Variants in VASP observed in about 807,000 individuals in gnomAD.
VASP encodes vasodilator stimulated phosphoprotein.
In VASP, 27 loss-of-function variants were observed where a neutral mutation model predicts 54.4. The ratio of observed to expected loss-of-function variants is 0.50; its 90% CI spans 0.37 to 0.68. VASP has a LOEUF of 0.68. Ranked by LOEUF, VASP falls within the 30% of genes least tolerant of loss-of-function variation. VASP has a pLI of 0.00. For synonymous variants in VASP, 233 were observed against 209.8 expected, an observed-to-expected ratio of 1.11 and a Z score of -0.96; for missense variants, 488 against 528.3, an observed-to-expected ratio of 0.92 and a Z score of 0.75.
intron 7 of VASP, among the ~76,000 whole-genome samples, chr19:45,523,246 A>C (rs1968885272): frequency 8.9e-6 from 1 of 112,374 alleles, no homozygotes. Context: ...TCTGTCACCC[A>C]GGCTGGAGTG....
intron 1 of VASP, among the ~76,000 whole-genome samples, chr19:45,517,115 CAGAG>C (rs1280889123): frequency 1.3e-5 from 2 of 150,236 alleles, no homozygotes; most frequent in African/African-American, 2.5e-5. Context: ...ACCTGGGTGA[CAGAG>C]AGCAAGACTC....
chr19:45,523,794 C>CAG (rs1269107670), intron 8 of VASP, 47 bp from the exon 9 acceptor site: 1 of 1,613,998 alleles, frequency 6.2e-7, no homozygotes, highest in Non-Finnish European at 8.5e-7. Context: ...AGGAAATGGG[C>CAG]AGAGGTGTGG....
chr19:45,518,696 G>A (rs975409036), intron 3 of VASP, among the ~76,000 whole-genome samples: 19 of 152,286 alleles, frequency 1.2e-4, no homozygotes, highest in African/African-American at 3.4e-4. Context: ...ACAGGATCTC[G>A]CTCTGTTGCC....
At position 45,507,613 on chromosome 19, in the gene VASP, G is replaced by T; in HGVS notation, c.-159G>T. 1 of 886,518 alleles carries T rather than the reference G, an allele frequency of 1.1e-6. No homozygotes were observed. The highest frequency in any genetic ancestry group is 1.6e-6 in the Non-Finnish European group (1 of 615,344). The allele number at this position is 886,518 out of a possible 1,614,324, so 54.9% of individuals were successfully genotyped here. On this transcript the variant is annotated 5_prime_UTR_variant, in exon 1 of 13. Transcript: ENST00000245932. The surrounding 1 kb of genome is among the most constrained non-coding windows in gnomAD (Gnocchi z 4.4). ...AAGCGGCGCCCGGAGACCCGCCCCG[G>T]CCCGGTCCACATTCTCCCCAGGAAG...
Position 45,507,658 on chromosome 19 carries a change from A to G in VASP, c.-114A>G, listed in dbSNP as rs954641837. On this transcript the variant is annotated 5_prime_UTR_variant, in exon 1 of 13. Transcript: ENST00000245932. This position sits in a 1 kb window ranked among gnomAD's most constrained non-coding sequence, Gnocchi z 4.4. ...AGGAAGCCGGACTCTATGGGGCGGG[A>G]CCCTGGGGGAGCCTGAGCCGAGCCC... The G allele has an allele frequency of 1.0e-5, 14 of 1,371,626 alleles. No homozygotes were observed. Among genetic ancestry groups the G allele is most frequent in the Admixed American group, 4.3e-5 (2 of 46,844 alleles). The allele number at this position is 1,371,626 out of a possible 1,614,324, so 85.0% of individuals were successfully genotyped here.
intron 10 of VASP, 42 bp downstream of exon 10, chr19:45,524,184 G>T: frequency 1.2e-6 from 2 of 1,611,046 alleles, no homozygotes; most frequent in Middle Eastern, 2.2e-4. Flanking sequence ...GTAAAGGCGG[G>T]CAGATCGCTT....
chr19:45,521,941 A>G (rs1158687179), intron 4 of VASP, among the ~76,000 whole-genome samples: 1 of 151,478 alleles, frequency 6.6e-6, no homozygotes, highest in Non-Finnish European at 1.5e-5. Flanking sequence ...CTGACAGTTT[A>G]GTGACTGGGA....
chr19:45,512,798 G>A (rs555646037), intron 1 of VASP, among the ~76,000 whole-genome samples: 1 of 150,772 alleles, frequency 6.6e-6, no homozygotes, highest in Non-Finnish European at 1.5e-5. Flanking sequence ...ACGGGGTTTC[G>A]CTATGTTGCC....
rs1968981838 is a variant in VASP at position 45,526,816 on chromosome 19, T to C, written c.*639T>C. ...TGTAACTTTTTGGAACCTCAGTTTT[T>C]TGATTTTTTATTTGGGTAGGTTTTG... On this transcript the variant is annotated 3_prime_UTR_variant, in exon 13 of 13. Transcript: ENST00000245932. 2 of 152,202 alleles carry C rather than the reference T, an allele frequency of 1.3e-5. No individual in the cohort carries two copies. Among genetic ancestry groups the C allele is most frequent in the African/African-American group, 4.8e-5 (2 of 41,400 alleles). 9.4% of individuals were successfully genotyped at this position (152,202 alleles called of 1,614,324 possible).
chr19:45,525,911 C>G, intron 11 of VASP, 35 bp from the exon 12 acceptor site: 1 of 1,590,438 alleles, frequency 6.3e-7, no homozygotes. Flanking sequence ...AGTCCCGGTA[C>G]CCCCTCCTGA....
chr19:45,521,494 G>A, intron 4 of VASP, 88 bp downstream of exon 4: 1 of 1,220,532 alleles, frequency 8.2e-7, no homozygotes, highest in Non-Finnish European at 1.1e-6. Flanking sequence ...TCAGAACCCA[G>A]CCAACTTGCA....
rs182202203 is a variant in VASP at position 45,520,122 on chromosome 19, G to A, written c.344-1200G>A. 4.5e-3 allele frequency among the ~76,000 whole-genome samples: 676 copies of A among 151,666 alleles called. 5 individuals carry two copies. The highest frequency in any genetic ancestry group is 0.016 in the African/African-American group (649 of 41,326). On this transcript the variant is annotated intron_variant, in intron 3 of 12. Coordinates refer to ENST00000245932, the MANE Select transcript of VASP (RefSeq NM_003370.4). The stretch of plus-strand genomic sequence containing the variant: ...TCGCAGTGTTGGCCAGGCTGGTCTC[G>A]AACTCCTGACCTCAGGTGATCCACT...
At chr19:45,508,265 C>A (rs192662203) in intron 1 of VASP, among the ~76,000 whole-genome samples, 51 of 152,304 alleles carry the variant, frequency 3.3e-4, no homozygotes, top group African/African-American at 1.2e-3. Context: ...AAAAAGTCTC[C>A]CCAAGTGGGA....
chr19:45,524,012 C>G (rs1287719400), intron 9 of VASP, 85 bp from the exon 10 acceptor site: 3 of 1,610,340 alleles, frequency 1.9e-6, no homozygotes, highest in Non-Finnish European at 1.7e-6. Context: ...GGGCTTTGAT[C>G]AGGGGCTGAT....
At position 45,507,875 on chromosome 19, in the gene VASP, G is replaced by C; in HGVS notation, c.5+99G>C. 1 of 748,636 alleles carries C rather than the reference G, an allele frequency of 1.3e-6. No individual in the cohort carries two copies. The highest frequency in any genetic ancestry group is 2.0e-6 in the Non-Finnish European group (1 of 510,372). 46.4% of individuals were successfully genotyped at this position (748,636 alleles called of 1,614,324 possible). A position where few individuals can be genotyped will look rare whatever the true frequency, so the allele number is the denominator to read the frequency against. On this transcript the variant is annotated intron_variant, in intron 1 of 12. Coordinates refer to ENST00000245932, the MANE Select transcript of VASP (RefSeq NM_003370.4). This position sits in a 1 kb window ranked among gnomAD's most constrained non-coding sequence, Gnocchi z 4.4. The stretch of plus-strand genomic sequence containing the variant: ...CAGCTAGCTCCGGGCTGGAATTTGG[G>C]GACAGATCCTTGGGAGCCTCGGATT...
At chr19:45,511,330 C>T (rs16979866) in intron 1 of VASP, among the ~76,000 whole-genome samples, 1,575 of 152,254 alleles carry the variant, frequency 0.01, 30 homozygotes, top group African/African-American at 0.036. Context: ...TCATGTGGAG[C>T]GTGTACCAAG....
rs1253998369 is a variant in VASP at position 45,526,013 on chromosome 19, T to C, written c.1105+10T>C. On this transcript the variant is annotated intron_variant, in intron 12 of 12. Transcript: ENST00000245932. Reference sequence around the variant, plus strand: ...GAGGAAATCATTGAAGGTGAGGTGGTTTGCTTTGGTTTTGTTCTTAAACAT... The same window carrying C: ...GAGGAAATCATTGAAGGTGAGGTGGCTTGCTTTGGTTTTGTTCTTAAACAT... 6.2e-7 allele frequency: 1 copy of C among 1,613,308 alleles called. No individual in the cohort carries two copies. The highest frequency in any genetic ancestry group is 8.5e-7 in the Non-Finnish European group (1 of 1,179,868).
At position 45,522,824 on chromosome 19, in the gene VASP, C is replaced by G; in HGVS notation, c.821+6C>G. The stretch of plus-strand genomic sequence containing the variant: ...AACGCCATGCTGGCCCGGAGGTGAG[C>G]CTGAGCCTGGACCCCCAAGTCACCT... On this transcript the variant is annotated splice_donor_region_variant and intron_variant, in intron 7 of 12. Coordinates refer to ENST00000245932, the MANE Select transcript of VASP (RefSeq NM_003370.4). The G allele has an allele frequency of 6.2e-7, 1 of 1,603,674 alleles. No individual in the cohort carries two copies. The highest frequency in any genetic ancestry group is 2.3e-5 in the East Asian group (1 of 43,786).
intron 7 of VASP, 103 bp from the exon 8 acceptor site, chr19:45,523,541 A>C: frequency 7.5e-7 from 1 of 1,341,502 alleles, no homozygotes; most frequent in East Asian, 2.4e-5. Context: ...AGGTTTTCGG[A>C]GTTCCAGAAT....
Sources: allele counts gnomAD v4.1 joint callset (sites outside exome capture counted in the v4.1 genomes callset), GRCh38; gene constraint gnomAD v4.1.1; non-coding constraint Gnocchi (gnomAD v3.1); transcripts MANE v1.5; gene names NCBI Gene and HGNC (gene_info 2026-07-23, HGNC 2026-07-21).